The following INPP4A variants were observed in gnomAD, a reference collection of about 807,000 sequenced individuals.
INPP4A encodes the protein inositol polyphosphate-4-phosphatase type I A, also known as inositol polyphosphate-4-phosphatase, type I, 107kD.
A neutral mutation model predicts 119.8 loss-of-function variants in INPP4A; 33 were observed. The observed-to-expected ratio is 0.28, with a 90% CI of 0.21 to 0.37. The LOEUF (loss-of-function observed/expected upper bound fraction) is 0.37, where lower values mean the gene tolerates loss of function less well. INPP4A is among the 10% of genes least tolerant of loss of function. The pLI is 1.00. For synonymous variants in INPP4A, 496 were observed against 500.7 expected (o/e 0.99, Z 0.12); for missense variants, 956 against 1,289.9 (o/e 0.74, Z 3.97).
rs527361515 is a variant in INPP4A, at chr2:98,524,359, G to A, written c.151+3628G>A. On this transcript the variant is annotated intron_variant, in intron 4 of 24. Transcript: ENST00000409851. The stretch of plus-strand genomic sequence containing the variant: ...TATGGAAATATGCCAAATGAATGAC[G>A]TAAGTGAGCCTGCAGGCTGCTCAGA... Among the ~76,000 whole-genome samples the A allele has an allele frequency of 4.1e-4, 62 of 152,302 alleles. 2 individuals are homozygous for A. The highest frequency in any genetic ancestry group is 2.8e-3 in the Admixed American group (43 of 15,298).
chr2:98,586,961 G>A (rs975869734), intron 24 of INPP4A, among the ~76,000 whole-genome samples: 9 of 152,194 alleles, frequency 5.9e-5, no homozygotes, highest in African/African-American at 1.9e-4. Flanking sequence ...AGACCAGAAC[G>A]CCTTCCTAGC....
At chr2:98,500,637 G>T (rs1682935308) in intron 1 of INPP4A, among the ~76,000 whole-genome samples, 1 of 152,140 alleles carries the variant, frequency 6.6e-6, no homozygotes, top group South Asian at 2.1e-4. Context: ...CAGTGGATGG[G>T]AACTTACTAA....
intron 1 of INPP4A, among the ~76,000 whole-genome samples, chr2:98,518,544 CTG>C (rs1413242118): frequency 1.3e-5 from 2 of 152,214 alleles, no homozygotes; most frequent in African/African-American, 4.8e-5. Flanking sequence ...GAGCCCTCTC[CTG>C]TTCACGCACA....
At position 98,520,056 on chromosome 2, in the gene INPP4A, C is replaced by G; in HGVS notation, c.8C>G (p.Ala3Gly). Reference protein sequence around the residue: MTAREHSPRHGAR... With the variant: MTGREHSPRHGAR... ...ATCATCACCAATGACATCATGACAGCAAGAGAGCACAGCCCTCGCCATGGT... is the reference window on the plus strand; with the variant it reads ...ATCATCACCAATGACATCATGACAGGAAGAGAGCACAGCCCTCGCCATGGT... The change falls in exon 3 of 25, where the codon GCA becomes GGA. Residue 3 changes from alanine (A) to glycine (G), a missense_variant. This residue lies in a region of INPP4A where 652 missense variants were observed against 797.9 expected (regional missense o/e 0.82). Coordinates refer to ENST00000409851, the MANE Select transcript of INPP4A (RefSeq NM_001134225.2). The G allele has an allele frequency of 6.3e-7, 1 of 1,581,754 alleles. No individual in the cohort carries two copies. Among genetic ancestry groups the G allele is most frequent in the Non-Finnish European group, 8.6e-7 (1 of 1,162,364 alleles).
intron 1 of INPP4A, among the ~76,000 whole-genome samples, chr2:98,484,019 C>G (rs75317380): frequency 0.015 from 2,348 of 152,240 alleles, 69 homozygotes; most frequent in African/African-American, 0.054. Context: ...AGCCAGAGGC[C>G]TCTAAATGGA....
chr2:98,487,784 T>G (rs1035053477), intron 1 of INPP4A, among the ~76,000 whole-genome samples: 1 of 152,210 alleles, frequency 6.6e-6, no homozygotes, highest in Admixed American at 6.5e-5. Flanking sequence ...AGTTCATTGG[T>G]ACTAGTAATG....
chr2:98,537,935 G>A lies in INPP4A; in HGVS notation c.540G>A (p.Arg180=). ...AGATGGAGGAGAAGTCAGACCAACGGCCCCCTGTGACCCGGTCTGTGGACA... is the reference window on the plus strand; with the variant it reads ...AGATGGAGGAGAAGTCAGACCAACGACCCCCTGTGACCCGGTCTGTGGACA... ...GWQMEEKSDQ[R]PPVTRSVDTV... is the part of the protein sequence containing the mutation. The change falls in exon 8 of 25, where the codon CGG becomes CGA. Residue 180 remains arginine (R), a synonymous_variant. Coordinates refer to ENST00000409851, the MANE Select transcript of INPP4A (RefSeq NM_001134225.2). The A allele has an allele frequency of 1.2e-6, 2 of 1,612,864 alleles. No individual in the cohort carries two copies. Among genetic ancestry groups the A allele is most frequent in the South Asian group, 1.1e-5 (1 of 90,656 alleles).
intron 1 of INPP4A, among the ~76,000 whole-genome samples, chr2:98,463,240 C>T (rs1056968756): frequency 1.3e-5 from 2 of 152,262 alleles, no homozygotes; most frequent in Non-Finnish European, 2.9e-5. Context: ...GGGCTTTCCT[C>T]TGCCTGGCCT....
chr2:98,519,464 G>GCCGTATCATTAAAAAA, intron 2 of INPP4A: 1 of 152,716 alleles, frequency 6.5e-6, no homozygotes, highest in South Asian at 2.1e-4. Flanking sequence ...GCAGCTCTGG[G>GCCGTATCATTAAAAAA]AAGAAAGCCA....
chr2:98,588,770 TAGC>T lies in INPP4A; in HGVS notation c.*1165_*1167del. ...GATGATGATGAGTCTTATCTGCACATAGCAGAGTTTGTTTCTTAGGAGTTTATA... is the reference window on the plus strand; with the variant it reads ...GATGATGATGAGTCTTATCTGCACATAGAGTTTGTTTCTTAGGAGTTTATA... On this transcript the variant is annotated 3_prime_UTR_variant, in exon 25 of 25. Transcript: ENST00000409851. 1 of 221,918 alleles carries T rather than the reference TAGC, an allele frequency of 4.5e-6. No homozygotes were observed. Among genetic ancestry groups the T allele is most frequent in the South Asian group, 1.8e-4 (1 of 5,440 alleles). 13.7% of individuals were successfully genotyped at this position (221,918 alleles called of 1,614,324 possible).
At chr2:98,572,949 AG>A (rs1697744566) in intron 23 of INPP4A, 22 bp downstream of exon 23, 1 of 1,528,052 alleles carries the variant, frequency 6.5e-7, no homozygotes, top group Non-Finnish European at 8.9e-7. Context: ...AGAGAGGAAA[AG>A]GAGGCTATTG....
intron 1 of INPP4A, among the ~76,000 whole-genome samples, chr2:98,452,284 G>T (rs768751222): frequency 3.9e-5 from 6 of 152,158 alleles, no homozygotes; most frequent in Non-Finnish European, 7.4e-5. Context: ...TGGTCCTCCA[G>T]GTGTGGTCCT....
At chr2:98,573,062 G>C (rs1003582808) in intron 23 of INPP4A, 135 bp downstream of exon 23, 2 of 669,184 alleles carry the variant, frequency 3.0e-6, no homozygotes, top group African/African-American at 3.6e-5. Flanking sequence ...CACTGAGTAC[G>C]TTCTGAAGCT....
chr2:98,482,801 GC>G (rs1461727119), intron 1 of INPP4A, among the ~76,000 whole-genome samples: 1 of 152,190 alleles, frequency 6.6e-6, no homozygotes, highest in Non-Finnish European at 1.5e-5. Context: ...TACTTACATT[GC>G]TTTTTTGAAA....
At chr2:98,453,342 C>T (rs985131890) in intron 1 of INPP4A, among the ~76,000 whole-genome samples, 5 of 152,184 alleles carry the variant, frequency 3.3e-5, no homozygotes, top group African/African-American at 1.2e-4. Context: ...TGCAGTGGTT[C>T]ATGAAATCAA....
chr2:98,576,914 C>T, intron 23 of INPP4A, 75 bp from the exon 24 acceptor site: 5 of 1,527,448 alleles, frequency 3.3e-6, no homozygotes, highest in Non-Finnish European at 3.6e-6. Flanking sequence ...TGGTTGGGAG[C>T]CTTTCCTGTG....
rs557512971 is a variant in INPP4A at position 98,554,144 on chromosome 2, G to C, written c.1348-127G>C. 6 of 684,936 alleles carry C rather than the reference G, an allele frequency of 8.8e-6. No individual in the cohort carries two copies. Among genetic ancestry groups the C allele is most frequent in the Middle Eastern group, 4.1e-4 (1 of 2,412 alleles). The allele number at this position is 684,936 out of a possible 1,614,324, so 42.4% of individuals were successfully genotyped here. ...AGGGATGTAGCCCTTCAGTTGCTTT[G>C]CACTGTGGAGAAAGGCAGAGGGGTG... On this transcript the variant is annotated intron_variant, in intron 14 of 24. Coordinates refer to ENST00000409851, the MANE Select transcript of INPP4A (RefSeq NM_001134225.2). This position sits in a 1 kb window ranked among gnomAD's most constrained non-coding sequence, Gnocchi z 4.7.
chr2:98,548,730 G>T (rs891870987), intron 13 of INPP4A, among the ~76,000 whole-genome samples: 2 of 152,134 alleles, frequency 1.3e-5, no homozygotes, highest in African/African-American at 4.8e-5. Flanking sequence ...GAGGTAACTT[G>T]GCCTGAGGTG....
chr2:98,525,271 T>G (rs988547726), intron 4 of INPP4A, among the ~76,000 whole-genome samples: 10 of 152,326 alleles, frequency 6.6e-5, no homozygotes, highest in African/African-American at 2.2e-4. Flanking sequence ...TCTAGTGCCT[T>G]CCATGCTTGG....
Sources: gnomAD v4.1 joint callset for allele counts (sites outside exome capture counted in the v4.1 genomes callset) on GRCh38, gnomAD v4.1.1 for gene constraint, gnomAD v4.1.1 regional missense constraint, Gnocchi (gnomAD v3.1) non-coding constraint, MANE v1.5 for transcripts, NCBI Gene and HGNC (gene_info 2026-07-23, HGNC 2026-07-21) for gene names.